GJA3: variants seen among roughly 807,000 people sequenced by gnomAD.
GJA3 encodes the protein gap junction alpha-3 protein.
For missense variants in GJA3, 571 were observed against 620.3 expected (o/e 0.92, Z 0.84); for synonymous variants, 297 against 292.6 (o/e 1.02, Z -0.15).
chr13:20,140,607 TGTGCAGGACA>T lies in GJA3; in HGVS notation c.*1364_*1373del, dbSNP rs1958801584. On this transcript the variant is annotated 3_prime_UTR_variant, in exon 2 of 2. Transcript: ENST00000241125. ...TGGTGACCAAGATACTACAGCTGTG[TGTGCAGGACA>T]GAAAATTCTGCCGTCTTCCAGCCAT... is the stretch of plus-strand genomic sequence containing the variant. The T allele has an allele frequency of 6.6e-6, 1 of 152,220 alleles. No homozygotes were observed. The highest frequency in any genetic ancestry group is 2.1e-4 in the South Asian group (1 of 4,828). 9.4% of individuals were successfully genotyped at this position (152,220 alleles called of 1,614,324 possible).
At chr13:20,145,740 T>G (rs935305114) in intron 1 of GJA3, among the ~76,000 whole-genome samples, 2 of 152,224 alleles carry the variant, frequency 1.3e-5, no homozygotes, top group Non-Finnish European at 2.9e-5. Flanking sequence ...CACTGCCTGC[T>G]GACCTGCCCC....
At chr13:20,159,675 C>T (rs1006111238) in intron 1 of GJA3, among the ~76,000 whole-genome samples, 9 of 152,026 alleles carry the variant, frequency 5.9e-5, no homozygotes, top group Admixed American at 6.5e-5. Context: ...GTTAACGGTT[C>T]CTGGTTAAGA....
At chr13:20,154,326 C>G (rs4769955) in intron 1 of GJA3, among the ~76,000 whole-genome samples, 80,056 of 152,042 alleles carry the variant, frequency 0.53, 21,860 homozygotes, top group African/African-American at 0.58. Flanking sequence ...TTTATCCCTC[C>G]ATACTTCTTT....
chr13:20,143,008 C>G lies in GJA3; in HGVS notation c.281G>C (p.Gly94Ala), dbSNP rs765852698. The G allele has an allele frequency of 6.2e-7, 1 of 1,608,560 alleles. No individual in the cohort carries two copies. The highest frequency in any genetic ancestry group is 1.1e-5 in the South Asian group (1 of 90,236). The change falls in exon 2 of 2, where the codon GGC becomes GCC. Residue 94 changes from glycine to alanine, a missense_variant. Gly to Ala is a moderately conservative substitution (Grantham distance 60). Transcript: ENST00000241125. Reference sequence around the variant, plus strand: ...CATGCGCACGATGTGCAGCACGTGGCCCAGGTAGATGAGGGTGGGCGTGGA... The same window carrying G: ...CATGCGCACGATGTGCAGCACGTGGGCCAGGTAGATGAGGGTGGGCGTGGA... ...FVSTPTLIYL[G>A]HVLHIVRMEE...
In GJA3 at chr13:20,140,158, TCA is replaced by T. The variant is rs1175297275; in HGVS notation, c.*1821_*1822del. On this transcript the variant is annotated 3_prime_UTR_variant, in exon 2 of 2. Coordinates refer to ENST00000241125, the MANE Select transcript of GJA3 (RefSeq NM_021954.4). ...GCCTGGAGAGGAGTGAGAAAGTCAC[TCA>T]CAGTTTTCCAAAGGGCTAATTTCTC... 3 of 152,272 alleles carry T rather than the reference TCA, an allele frequency of 2.0e-5. No individual in the cohort carries two copies. Among genetic ancestry groups the T allele is most frequent in the East Asian group, 1.9e-4 (1 of 5,178 alleles). 9.4% of individuals were successfully genotyped at this position (152,272 alleles called of 1,614,324 possible). A position where few individuals can be genotyped will look rare whatever the true frequency, so the allele number is the denominator to read the frequency against.
intron 1 of GJA3, among the ~76,000 whole-genome samples, chr13:20,151,546 G>T (rs1958877625): frequency 6.6e-6 from 1 of 152,202 alleles, no homozygotes; most frequent in African/African-American, 2.4e-5. Flanking sequence ...GAAGTGGAAA[G>T]CCGCGGAGGA....
At position 20,142,316 on chromosome 13, in the gene GJA3, C is replaced by T. The variant is rs1265638903; in HGVS notation, c.973G>A (p.Glu325Lys). The T allele has an allele frequency of 4.5e-6, 7 of 1,572,920 alleles. No individual in the cohort carries two copies. The South Asian group carries it at 4.7e-5, about 10-fold the overall frequency. Residue 325 changes from glutamate to lysine, a missense_variant, in exon 2 of 2, where the codon GAG (glutamate) becomes AAG (lysine). Coordinates refer to ENST00000241125, the MANE Select transcript of GJA3 (RefSeq NM_021954.4). ...GCCGCCTGGTTGGCCCAGTTCTGCT[C>T]AGTCATCAGCAGGTGGTGGTGGCCG... is the stretch of plus-strand genomic sequence containing the variant. ...YNGHHHLLMTEQNWANQAAER... is the reference protein window; with the variant it reads ...YNGHHHLLMTKQNWANQAAER...
At chr13:20,150,372 G>GGTGTGTGTGTGTGT (rs71816956) in intron 1 of GJA3, among the ~76,000 whole-genome samples, 1 of 147,998 alleles carries the variant, frequency 6.8e-6, no homozygotes, top group African/African-American at 2.5e-5. Context: ...CACTGCTCCT[G>GGTGTGTGTGTGTGT]GTGTGTGTGT....
At chr13:20,144,179 C>T (rs987041131) in intron 1 of GJA3, among the ~76,000 whole-genome samples, 3 of 152,218 alleles carry the variant, frequency 2.0e-5, no homozygotes, top group Non-Finnish European at 4.4e-5. Flanking sequence ...CATCCACTGA[C>T]GACCACCTGA....
chr13:20,156,406 A>C (rs984158212), intron 1 of GJA3, among the ~76,000 whole-genome samples: 1 of 152,166 alleles, frequency 6.6e-6, no homozygotes, highest in Non-Finnish European at 1.5e-5. Context: ...TCCCAGGTTC[A>C]AGCAATTCTC....
At chr13:20,147,495 C>A (rs1593336267) in intron 1 of GJA3, among the ~76,000 whole-genome samples, 1 of 152,228 alleles carries the variant, frequency 6.6e-6, no homozygotes, top group South Asian at 2.1e-4. Flanking sequence ...ATTACTGATG[C>A]TATGATAAAT....
chr13:20,158,426 A>T (rs2141146791), intron 1 of GJA3, among the ~76,000 whole-genome samples: 1 of 152,226 alleles, frequency 6.6e-6, no homozygotes, highest in African/African-American at 2.4e-5. Flanking sequence ...TTCAGGAATA[A>T]ATAAGCAATA....
rs987955425 is a variant in GJA3 at position 20,141,552 on chromosome 13, C to T, written c.*429G>A. 2 of 160,054 alleles carry T rather than the reference C, an allele frequency of 1.2e-5. No homozygotes were observed. Among genetic ancestry groups the T allele is most frequent in the African/African-American group, 5.0e-5 (2 of 40,254 alleles). 9.9% of individuals were successfully genotyped at this position (160,054 alleles called of 1,614,324 possible). On this transcript the variant is annotated 3_prime_UTR_variant, in exon 2 of 2. Coordinates refer to ENST00000241125, the MANE Select transcript of GJA3 (RefSeq NM_021954.4). ...AAGAGATAGAGCTAAGTGCTCTGGC[C>T]CAGAGCTAAGACCCTCTGGGCCGCC... is the stretch of plus-strand genomic sequence containing the variant.
At position 20,142,313 on chromosome 13, in the gene GJA3, G is replaced by T. The variant is rs1230511415; in HGVS notation, c.976C>A (p.Gln326Lys). 6.3e-7 allele frequency: 1 copy of T among 1,575,130 alleles called. No individual in the cohort carries two copies. The highest frequency in any genetic ancestry group is 2.4e-5 in the East Asian group (1 of 42,538). The change falls in exon 2 of 2, where the codon CAG becomes AAG. Residue 326 changes from glutamine (Q) to lysine (K), a missense_variant. Gln to Lys is a moderately conservative substitution (Grantham distance 53). Transcript: ENST00000241125. ...TCGGCCGCCTGGTTGGCCCAGTTCT[G>T]CTCAGTCATCAGCAGGTGGTGGTGG... ...NGHHHLLMTE[Q>K]NWANQAAERQ...
rs1958861597 is a variant in GJA3 at position 20,149,144 on chromosome 13, TC to T, written c.-17-5840del. Among the ~76,000 whole-genome samples the T allele has an allele frequency of 2.6e-5, 4 of 152,166 alleles. No individual in the cohort carries two copies. In the South Asian group the frequency reaches 8.3e-4, roughly 32 times the overall value. On this transcript the variant is annotated intron_variant, in intron 1 of 1. Coordinates refer to ENST00000241125, the MANE Select transcript of GJA3 (RefSeq NM_021954.4). ...CTCAGACAAATCAATGGCTATTTCC[TC>T]AGTGACAGTCTTGCTCTCAATTCTG...
Position 20,141,819 on chromosome 13 carries a change from A to C in GJA3, c.*162T>G. 3.8e-6 allele frequency: 4 copies of C among 1,055,544 alleles called. No homozygotes were observed. The highest frequency in any genetic ancestry group is 5.4e-6 in the Non-Finnish European group (4 of 739,256). 65.4% of individuals were successfully genotyped at this position (1,055,544 alleles called of 1,614,324 possible). A position where few individuals can be genotyped will look rare whatever the true frequency, so the allele number is the denominator to read the frequency against. On this transcript the variant is annotated 3_prime_UTR_variant, in exon 2 of 2. Transcript: ENST00000241125. ...CAGTGCTAAGAACAGCAAGCATTGA[A>C]CACGGAAACCTGATCTCTCCTCCAT...
At chr13:20,152,012 T>C (rs910347003) in intron 1 of GJA3, among the ~76,000 whole-genome samples, 4 of 152,040 alleles carry the variant, frequency 2.6e-5, no homozygotes, top group Non-Finnish European at 5.9e-5. Flanking sequence ...GGAACTGCCT[T>C]TTACCAAGAT....
At chr13:20,161,416 AGCCCGCGCCCC>A (rs1182501432), upstream of GJA3, among the ~76,000 whole-genome samples, 4 of 151,836 alleles carry the variant, frequency 2.6e-5, no homozygotes, top group African/African-American at 9.7e-5. Flanking sequence ...CAGATGCGCC[AGCCCGCGCCCC>A]GCTCGCGCCT....
At chr13:20,150,692 G>A (rs1280533713) in intron 1 of GJA3, among the ~76,000 whole-genome samples, 1 of 151,778 alleles carries the variant, frequency 6.6e-6, no homozygotes, top group African/African-American at 2.4e-5. Context: ...TGCGATCCCA[G>A]GCGGGGCTGG....
Sources: allele counts gnomAD v4.1 joint callset (sites outside exome capture counted in the v4.1 genomes callset), GRCh38; gene constraint gnomAD v4.1.1; transcripts MANE v1.5; gene names NCBI Gene and HGNC (gene_info 2026-07-23, HGNC 2026-07-21).